The following RBFOX1 variants were observed in gnomAD, a reference collection of about 807,000 sequenced individuals.
RBFOX1 encodes the protein RNA binding protein fox-1 homolog 1.
In RBFOX1, 8 loss-of-function variants were observed where a neutral mutation model predicts 57.7. The ratio of observed to expected loss-of-function variants is 0.14; its 90% CI spans 0.08 to 0.25. The LOEUF (loss-of-function observed/expected upper bound fraction) is 0.25. Among genes scored for constraint, RBFOX1 ranks in the 10% least tolerant of loss-of-function variants. The pLI is 1.00. For missense variants in RBFOX1, 611 were observed against 548.5 expected, an observed-to-expected ratio of 1.11 and a Z score of -1.14; for synonymous variants, 326 against 222.4, an observed-to-expected ratio of 1.47 and a Z score of -4.15.
chr16:6,742,292 A>G (rs143186068), intron 3 of RBFOX1, among the ~76,000 whole-genome samples: 12 of 152,322 alleles, frequency 7.9e-5, no homozygotes, highest in Non-Finnish European at 1.3e-4. Context: ...ACATATCATT[A>G]TACACATGTT....
At chr16:5,607,120 A>T (rs2047610909) in intron 3 of RBFOX1, among the ~76,000 whole-genome samples, 2 of 152,126 alleles carry the variant, frequency 1.3e-5, no homozygotes. Flanking sequence ...TGGGGAGCAG[A>T]GGGGTCACCA....
chr16:5,546,172 G>T (rs563155461), intron 2 of RBFOX1, among the ~76,000 whole-genome samples: 1 of 152,080 alleles, frequency 6.6e-6, no homozygotes, highest in African/African-American at 2.4e-5. Context: ...ACAAACTAAT[G>T]AAGAACTAAA....
intron 3 of RBFOX1, among the ~76,000 whole-genome samples, chr16:6,842,437 G>A (rs1047221492): frequency 9.9e-5 from 15 of 151,964 alleles, no homozygotes; most frequent in African/African-American, 3.1e-4. Context: ...CAACTTTGCT[G>A]ACCTTGCTCT....
chr16:5,506,575 G>T (rs146192942), intron 2 of RBFOX1, among the ~76,000 whole-genome samples: 1 of 152,144 alleles, frequency 6.6e-6, no homozygotes, highest in Admixed American at 6.5e-5. Context: ...AGCCAGCCTA[G>T]CTCAGCTCCA....
intron 15 of RBFOX1, chr16:7,709,991 G>T (rs2083698308): frequency 9.9e-7 from 1 of 1,007,998 alleles, no homozygotes; most frequent in South Asian, 4.3e-5. Flanking sequence ...TTAGAAAAAG[G>T]AAATCGTTAA....
At chr16:7,080,442 C>G (rs777242708) in intron 4 of RBFOX1, among the ~76,000 whole-genome samples, 2 of 152,178 alleles carry the variant, frequency 1.3e-5, no homozygotes, top group Non-Finnish European at 2.9e-5. Context: ...AAAGTAATGA[C>G]TGTTTGTACT....
chr16:6,297,221 C>G (rs1048405581), intron 1 of RBFOX1, among the ~76,000 whole-genome samples: 1 of 152,078 alleles, frequency 6.6e-6, no homozygotes, highest in Non-Finnish European at 1.5e-5. Flanking sequence ...TCTTTATGAC[C>G]TGTATCTTGT....
intron 3 of RBFOX1, among the ~76,000 whole-genome samples, chr16:5,756,241 A>AC (rs1338464243): frequency 6.6e-6 from 1 of 151,140 alleles, no homozygotes; most frequent in African/African-American, 2.4e-5. Flanking sequence ...AAAAAAAAAA[A>AC]AAAAAAACCC....
intron 5 of RBFOX1, among the ~76,000 whole-genome samples, chr16:7,545,045 C>G (rs2084039915): frequency 6.6e-6 from 1 of 152,182 alleles, no homozygotes; most frequent in Non-Finnish European, 1.5e-5. Flanking sequence ...TTGCATCAAA[C>G]AGTGTCTACT....
intron 4 of RBFOX1, among the ~76,000 whole-genome samples, chr16:7,251,062 TGTCATTAACTATA>T (rs1387830789): frequency 1.3e-5 from 2 of 152,150 alleles, no homozygotes; most frequent in Non-Finnish European, 2.9e-5. Flanking sequence ...ACATGATACA[TGTCATTAACTATA>T]GTCACCATGT....
chr16:6,648,314 G>A (rs2098550219), intron 2 of RBFOX1, among the ~76,000 whole-genome samples: 1 of 152,024 alleles, frequency 6.6e-6, no homozygotes, highest in Admixed American at 6.6e-5. Context: ...TCTGGACTCG[G>A]CCTCCCAAAG....
chr16:6,637,430 T>TATATTATATAA (rs1555636558), intron 2 of RBFOX1, among the ~76,000 whole-genome samples: 9 of 23,506 alleles, frequency 3.8e-4, no homozygotes, highest in Non-Finnish European at 4.9e-4. Context: ...TATAAATATA[T>TATATTATATAA]TATATAAATA....
At chr16:5,311,154 C>T (rs546070917) in intron 1 of RBFOX1, among the ~76,000 whole-genome samples, 3 of 152,274 alleles carry the variant, frequency 2.0e-5, no homozygotes, top group Non-Finnish European at 2.9e-5. Flanking sequence ...ATCCAAGTTG[C>T]TGCAAAAGAC....
intron 3 of RBFOX1, among the ~76,000 whole-genome samples, chr16:5,672,687 C>T (rs751801379): frequency 9.3e-5 from 14 of 150,862 alleles, no homozygotes; most frequent in Non-Finnish European, 5.9e-5. Flanking sequence ...TAACCACCAC[C>T]TCCATTAGCT....
At chr16:5,489,049 T>C (rs942238184) in intron 2 of RBFOX1, among the ~76,000 whole-genome samples, 1 of 152,230 alleles carries the variant, frequency 6.6e-6, no homozygotes, top group Non-Finnish European at 1.5e-5. Flanking sequence ...AAGGCAGAGA[T>C]AAATGTCCTA....
intron 3 of RBFOX1, among the ~76,000 whole-genome samples, chr16:6,923,739 G>A (rs780961392): frequency 1.3e-5 from 2 of 152,092 alleles, no homozygotes; most frequent in African/African-American, 2.4e-5. Context: ...AAGTGGTCAG[G>A]AACACAGATA....
chr16:7,660,038 G>T (rs968099138), intron 12 of RBFOX1, among the ~76,000 whole-genome samples: 1 of 152,114 alleles, frequency 6.6e-6, no homozygotes, highest in African/African-American at 2.4e-5. Flanking sequence ...TAGTTGGAAG[G>T]GGCCTCAGGG....
chr16:5,260,801 A>G (rs370223944), intron 1 of RBFOX1: 1 of 152,268 alleles, frequency 6.6e-6, no homozygotes, highest in Admixed American at 6.5e-5. Context: ...GTGTCTTGCA[A>G]GTCTACGTTT....
intron 2 of RBFOX1, among the ~76,000 whole-genome samples, chr16:5,502,412 G>T (rs148419612): frequency 6.6e-6 from 1 of 152,134 alleles, no homozygotes; most frequent in Non-Finnish European, 1.5e-5. Flanking sequence ...ATTCTTCCTC[G>T]GCTTGCCTGA....
Sources: allele counts gnomAD v4.1 joint callset (sites outside exome capture counted in the v4.1 genomes callset), GRCh38; gene constraint gnomAD v4.1.1; transcripts MANE v1.5; gene names NCBI Gene and HGNC (gene_info 2026-07-23, HGNC 2026-07-21).